Variants in TMEM71 observed in about 807,000 individuals in gnomAD.
TMEM71 encodes transmembrane protein 71.
A neutral mutation model predicts 38.0 loss-of-function variants in TMEM71; 44 were observed. The observed-to-expected ratio is 1.16, with a 90% CI of 0.91 to 1.49. The LOEUF is 1.49. Among genes scored for constraint, TMEM71 ranks in the 40% most tolerant of loss-of-function variants. TMEM71 has a pLI of 0.00. For synonymous variants in TMEM71, 133 were observed against 122.5 expected, an observed-to-expected ratio of 1.09 and a Z score of -0.56; for missense variants, 367 against 348.6, an observed-to-expected ratio of 1.05 and a Z score of -0.42.
chr8:132,767,240 C>T, the TMEM71 span, among the ~76,000 whole-genome samples: 73 of 152,216 alleles, frequency 4.8e-4, 1 homozygote, highest in African/African-American at 1.7e-3. Context: ...AGAGAATATG[C>T]GTTTCTTGGG....
At chr8:132,773,944 C>A in the TMEM71 span, among the ~76,000 whole-genome samples, 819 of 152,160 alleles carry the variant, frequency 5.4e-3, 4 homozygotes, top group Non-Finnish European at 8.5e-3. Flanking sequence ...TTATACAACA[C>A]AGTAGTTGTA....
Position 132,737,426 on chromosome 8 carries a change from G to A in TMEM71, c.488-9440C>T, listed in dbSNP as rs550161826. On this transcript the variant is annotated intron_variant, in intron 5 of 9. Transcript: ENST00000677595. The stretch of plus-strand genomic sequence containing the variant: ...CTTGAGTTGACCTCCTTATCAAGCT[G>A]TGCTTCATTAGCCAGTTCTTCATAT... Among the ~76,000 whole-genome samples the A allele has an allele frequency of 5.9e-5, 9 of 152,300 alleles. No homozygotes were observed. The South Asian group carries it at 1.0e-3, about 18-fold the overall frequency.
chr8:132,751,190 A>G (rs2467984), intron 4 of TMEM71, among the ~76,000 whole-genome samples: 46,650 of 152,042 alleles, frequency 0.31, 7,384 homozygotes, highest in Non-Finnish European at 0.33. Flanking sequence ...CCCTGCTCCC[A>G]TGCTCAGTCT....
At chr8:132,727,768 G>A in intron 6 of TMEM71, 30 bp downstream of exon 6, 1 of 1,535,196 alleles carries the variant, frequency 6.5e-7, no homozygotes, top group Non-Finnish European at 8.8e-7. Context: ...TTCTTTGGGT[G>A]TGGCAAATAT....
chr8:132,757,312 AG>A lies in TMEM71; in HGVS notation c.41-19del. 26 of 1,586,410 alleles carry A rather than the reference AG, an allele frequency of 1.6e-5. No homozygotes were observed. Among genetic ancestry groups the A allele is most frequent in the Non-Finnish European group, 2.2e-5 (25 of 1,156,158 alleles). Reference sequence around the variant, plus strand: ...GGAAGAACCTGCATAAACAAATGAGAGAGAAGTAGAATGTATCATACCTGAT... The same window carrying A: ...GGAAGAACCTGCATAAACAAATGAGAAGAAGTAGAATGTATCATACCTGAT... On this transcript the variant is annotated intron_variant, in intron 2 of 9. Transcript: ENST00000677595.
chr8:132,756,493 A>C (rs1195284026), intron 3 of TMEM71, among the ~76,000 whole-genome samples: 1 of 146,870 alleles, frequency 6.8e-6, no homozygotes, highest in Non-Finnish European at 1.5e-5. Flanking sequence ...GGCACCAAAA[A>C]GAAATAACCT....
At chr8:132,738,066 T>C (rs1328747764) in intron 5 of TMEM71, among the ~76,000 whole-genome samples, 2 of 152,226 alleles carry the variant, frequency 1.3e-5, no homozygotes. Flanking sequence ...TTAAGCAGAA[T>C]ACCAGCCCCT....
chr8:132,750,618 T>A (rs969324490), intron 4 of TMEM71, among the ~76,000 whole-genome samples: 1 of 152,210 alleles, frequency 6.6e-6, no homozygotes, highest in Non-Finnish European at 1.5e-5. Context: ...TTTTATATCA[T>A]TAAGATTTGA....
chr8:132,762,191 T>C (rs1246770530), upstream of TMEM71, among the ~76,000 whole-genome samples: 1 of 152,262 alleles, frequency 6.6e-6, no homozygotes, highest in Non-Finnish European at 1.5e-5. Flanking sequence ...TAGTGACTCC[T>C]GTAGAATATA....
Position 132,716,933 on chromosome 8 carries a change from C to A in TMEM71, c.753-2718G>T, listed in dbSNP as rs529966025. Among the ~76,000 whole-genome samples, 19 of 152,112 alleles carry A rather than the reference C, an allele frequency of 1.2e-4. No homozygotes were observed. The South Asian group carries it at 3.9e-3, about 32-fold the overall frequency. On this transcript the variant is annotated intron_variant, in intron 7 of 9. Coordinates refer to ENST00000677595, the MANE Select transcript of TMEM71 (RefSeq NM_001382403.1). The stretch of plus-strand genomic sequence containing the variant: ...GGGTTGTTTCTATTTTTGCTATTAC[C>A]AAAATGATGTGCAAGGGACCCAAAA...
intron 3 of TMEM71, among the ~76,000 whole-genome samples, chr8:132,756,404 ATATATAT>A (rs1462193103): frequency 1.7e-5 from 1 of 60,142 alleles, no homozygotes. Context: ...TGACACTAAC[ATATATAT>A]TATATATATA....
At chr8:132,729,927 A>G (rs1827357916) in intron 5 of TMEM71, among the ~76,000 whole-genome samples, 1 of 152,122 alleles carries the variant, frequency 6.6e-6, no homozygotes, top group Non-Finnish European at 1.5e-5. Context: ...TGTCTCCGCC[A>G]ACACTTTATA....
At chr8:132,753,233 C>A (rs756005947) in intron 3 of TMEM71, among the ~76,000 whole-genome samples, 3 of 151,080 alleles carry the variant, frequency 2.0e-5, no homozygotes, top group African/African-American at 7.4e-5. Flanking sequence ...AGTTACTGAA[C>A]GAAATCACCT....
At chr8:132,733,682 C>A (rs1285568269) in intron 5 of TMEM71, among the ~76,000 whole-genome samples, 1 of 152,214 alleles carries the variant, frequency 6.6e-6, no homozygotes, top group Admixed American at 6.5e-5. Context: ...AATGACCAGG[C>A]TCCTGAGGGG....
chr8:132,709,961 CTTAT>C lies in TMEM71; in HGVS notation c.*1002_*1005del, dbSNP rs1438750579. Reference sequence around the variant, plus strand: ...AAATATAAATTTGCTGATGACTTCACTTATTTATTAGTTTATTTTTTAACCAAAA... The same window carrying C: ...AAATATAAATTTGCTGATGACTTCACTTATTAGTTTATTTTTTAACCAAAA... On this transcript the variant is annotated 3_prime_UTR_variant, in exon 10 of 10. Transcript: ENST00000677595. 1 of 152,036 alleles carries C rather than the reference CTTAT, an allele frequency of 6.6e-6. No homozygotes were observed. The highest frequency in any genetic ancestry group is 2.4e-5 in the African/African-American group (1 of 41,478). The allele number at this position is 152,036 out of a possible 1,614,324, so 9.4% of individuals were successfully genotyped here.
chr8:132,746,416 C>CACACATATATAT (rs1828361368), intron 5 of TMEM71, among the ~76,000 whole-genome samples: 1 of 17,462 alleles, frequency 5.7e-5, no homozygotes, highest in African/African-American at 1.1e-4. Flanking sequence ...TATATACACA[C>CACACATATATAT]ACATATATAT....
At chr8:132,719,226 ATTGATTTGTCTTGCCTTTTC>A (rs1826704357) in intron 7 of TMEM71, among the ~76,000 whole-genome samples, 1 of 152,168 alleles carries the variant, frequency 6.6e-6, no homozygotes, top group South Asian at 2.1e-4. Context: ...ATCTATAATA[ATTGATTTGTCTTGCCTTTTC>A]TTGAATTTTA....
At chr8:132,775,677 C>A in the TMEM71 span, 1 of 330,674 alleles carries the variant, frequency 3.0e-6, no homozygotes, top group East Asian at 4.6e-5. Context: ...GCCGGCAGGC[C>A]GCCTGGCCCC....
At chr8:132,767,478 GTT>G in the TMEM71 span, among the ~76,000 whole-genome samples, 1 of 137,486 alleles carries the variant, frequency 7.3e-6, no homozygotes, top group Admixed American at 7.3e-5. Flanking sequence ...TACCTCTTTG[GTT>G]TTTTTTTTTT....
Sources: gnomAD v4.1 joint callset for allele counts (sites outside exome capture counted in the v4.1 genomes callset) on GRCh38, gnomAD v4.1.1 for gene constraint, MANE v1.5 for transcripts, NCBI Gene and HGNC (gene_info 2026-07-23, HGNC 2026-07-21) for gene names.